PPP1R1C: variants seen among roughly 807,000 people sequenced by gnomAD.
PPP1R1C encodes protein phosphatase 1 regulatory inhibitor subunit 1C.
A neutral mutation model predicts 17.4 loss-of-function variants in PPP1R1C; 15 were observed. The observed-to-expected ratio is 0.86, with a 90% CI of 0.58 to 1.33. The LOEUF (loss-of-function observed/expected upper bound fraction) is 1.33, where lower values mean the gene tolerates loss of function less well. PPP1R1C is among the 40% of genes most tolerant of loss of function. PPP1R1C has a pLI of 0.00. For synonymous variants in PPP1R1C, 35 were observed against 43.1 expected (o/e 0.81, Z 0.73); for missense variants, 143 against 130.0 (o/e 1.10, Z -0.48).
intron 2 of PPP1R1C, among the ~76,000 whole-genome samples, chr2:182,016,149 C>T (rs1313341234): frequency 1.3e-5 from 2 of 152,166 alleles, no homozygotes; most frequent in Admixed American, 6.5e-5. Flanking sequence ...TAAATGCCCC[C>T]TCCATGGGCA....
At chr2:181,987,087 A>T (rs773548072) in intron 1 of PPP1R1C, among the ~76,000 whole-genome samples, 15 of 152,212 alleles carry the variant, frequency 9.9e-5, no homozygotes, top group Non-Finnish European at 2.1e-4. Flanking sequence ...ACATGTGTCT[A>T]TCCATGCTGA....
At chr2:182,047,116 G>T (rs1382602982) in intron 2 of PPP1R1C, among the ~76,000 whole-genome samples, 1 of 152,042 alleles carries the variant, frequency 6.6e-6, no homozygotes, top group Admixed American at 6.6e-5. Context: ...AATTGTTAAC[G>T]TTTGAATAAT....
intron 4 of PPP1R1C, among the ~76,000 whole-genome samples, chr2:182,115,770 G>C (rs1689562209): frequency 6.6e-6 from 1 of 151,536 alleles, no homozygotes; most frequent in East Asian, 1.9e-4. Flanking sequence ...GAAGTCCAAG[G>C]ACGTCACTGT....
intron 2 of PPP1R1C, among the ~76,000 whole-genome samples, chr2:182,029,309 G>A (rs373603026): frequency 6.6e-6 from 1 of 151,824 alleles, no homozygotes; most frequent in Non-Finnish European, 1.5e-5. Context: ...TCCTAGTCTC[G>A]ATGGTCTTTA....
At chr2:182,030,292 T>C (rs1306578894) in intron 2 of PPP1R1C, among the ~76,000 whole-genome samples, 3 of 152,212 alleles carry the variant, frequency 2.0e-5, no homozygotes, top group South Asian at 2.1e-4. Flanking sequence ...AGGCACTCTG[T>C]GTTTTAGAGT....
At chr2:182,068,876 G>A (rs577302328) in intron 4 of PPP1R1C, among the ~76,000 whole-genome samples, 24 of 152,224 alleles carry the variant, frequency 1.6e-4, no homozygotes, top group African/African-American at 5.8e-4. Flanking sequence ...AATTAACCAT[G>A]GCTGTATTGG....
intron 1 of PPP1R1C, among the ~76,000 whole-genome samples, chr2:181,966,501 T>G (rs992281612): frequency 9.2e-5 from 14 of 152,086 alleles, no homozygotes; most frequent in East Asian, 1.9e-4. Flanking sequence ...TTTTTTAGTA[T>G]TTTTTTTCAT....
intron 4 of PPP1R1C, among the ~76,000 whole-genome samples, chr2:182,068,152 A>T (rs1044782542): frequency 2.6e-5 from 4 of 152,262 alleles, no homozygotes; most frequent in Admixed American, 6.5e-5. Context: ...ATTTCATCCT[A>T]GTATCTGCAA....
chr2:182,087,185 C>T (rs1429335195), intron 4 of PPP1R1C, among the ~76,000 whole-genome samples: 1 of 152,182 alleles, frequency 6.6e-6, no homozygotes, highest in Non-Finnish European at 1.5e-5. Flanking sequence ...CTAAATGGGC[C>T]GTATTGTACA....
intron 1 of PPP1R1C, among the ~76,000 whole-genome samples, chr2:181,964,312 G>A (rs190116326): frequency 2.0e-5 from 3 of 152,196 alleles, no homozygotes; most frequent in East Asian, 1.9e-4. Flanking sequence ...CTTTTTCATT[G>A]CTGAATAGTG....
chr2:182,018,200 A>T (rs905172467), intron 2 of PPP1R1C, among the ~76,000 whole-genome samples: 1 of 152,188 alleles, frequency 6.6e-6, no homozygotes, highest in Non-Finnish European at 1.5e-5. Context: ...AAACATTGAG[A>T]GTATAATTCC....
intron 2 of PPP1R1C, among the ~76,000 whole-genome samples, chr2:182,000,055 T>TC (rs1266511470): frequency 7.2e-5 from 11 of 152,172 alleles, no homozygotes; most frequent in Admixed American, 2.0e-4. Context: ...AGATCAAACC[T>TC]CCCTTCCTTC....
At chr2:181,965,172 T>G (rs545143155) in intron 1 of PPP1R1C, among the ~76,000 whole-genome samples, 1 of 152,260 alleles carries the variant, frequency 6.6e-6, no homozygotes, top group Admixed American at 6.5e-5. Flanking sequence ...TAGAGTTGTT[T>G]GAGCTCCTTA....
chr2:182,127,654 G>A (rs1343961077), intron 5 of PPP1R1C, among the ~76,000 whole-genome samples: 1 of 152,058 alleles, frequency 6.6e-6, no homozygotes, highest in Non-Finnish European at 1.5e-5. Context: ...TAGAAATCTT[G>A]AACTAATGTC....
downstream of PPP1R1C, among the ~76,000 whole-genome samples, chr2:182,120,849 T>TAA (rs140099817): frequency 5.3e-5 from 8 of 150,984 alleles, no homozygotes; most frequent in East Asian, 7.7e-4. Flanking sequence ...TCTCCATTCC[T>TAA]AAAAAAAAAC....
chr2:182,122,726 G>GA (rs1434110349), downstream of PPP1R1C, among the ~76,000 whole-genome samples: 1 of 151,110 alleles, frequency 6.6e-6, no homozygotes, highest in Non-Finnish European at 1.5e-5. Context: ...AAGTAAGCAA[G>GA]AAAAAAAAGA....
chr2:182,109,641 A>T (rs1371751676), intron 4 of PPP1R1C, among the ~76,000 whole-genome samples: 1 of 152,136 alleles, frequency 6.6e-6, no homozygotes. Flanking sequence ...CCTTTGTCAA[A>T]GATTAGTTGA....
chr2:182,098,034 T>C (rs1688994126), intron 4 of PPP1R1C, among the ~76,000 whole-genome samples: 1 of 152,088 alleles, frequency 6.6e-6, no homozygotes, highest in Non-Finnish European at 1.5e-5. Flanking sequence ...CTTCTCTTCT[T>C]CTCTTCCAAA....
At chr2:182,017,337 C>T (rs1252896015) in intron 2 of PPP1R1C, among the ~76,000 whole-genome samples, 1 of 151,968 alleles carries the variant, frequency 6.6e-6, no homozygotes, top group Admixed American at 6.5e-5. Flanking sequence ...ACTCTATAAC[C>T]ACTATCCAGC....
Sources: allele counts gnomAD v4.1 joint callset (sites outside exome capture counted in the v4.1 genomes callset), GRCh38; gene constraint gnomAD v4.1.1; transcripts MANE v1.5; gene names NCBI Gene and HGNC (gene_info 2026-07-23, HGNC 2026-07-21).